Variants in F9 observed in about 807,000 individuals in gnomAD.
F9 encodes the protein Christmas factor.
Under a neutral mutation model 34.1 loss-of-function variants are expected in F9, and 2 were observed. The ratio of observed to expected loss-of-function variants is 0.06; its 90% CI spans 0.02 to 0.18. F9 has a LOEUF of 0.18. F9 is among the 10% of genes least tolerant of loss of function. The pLI, the probability that F9 is intolerant of heterozygous loss-of-function variation, is 1.00. For synonymous variants in F9, 137 were observed against 118.8 expected (o/e 1.15, Z -1.00); for missense variants, 216 against 345.1 (o/e 0.63, Z 2.96).
intron 1 of F9, among the ~76,000 whole-genome samples, chrX:139,533,662 G>A (rs181926683): frequency 5.4e-5 from 6 of 112,030 alleles, no homozygotes; most frequent in African/African-American, 1.9e-4. Context: ...ACAGTGCCTG[G>A]CAGTAGTGGT....
intron 4 of F9, chrX:139,544,759 G>A (rs748805248): frequency 8.9e-6 from 1 of 111,759 alleles, no homozygotes; most frequent in African/African-American, 3.2e-5. Flanking sequence ...CAAACTACTC[G>A]TTTCTAACAG....
chrX:139,549,211 GC>G (rs1927786186), intron 5 of F9, among the ~76,000 whole-genome samples: 1 of 111,099 alleles, frequency 9.0e-6, no homozygotes, highest in African/African-American at 3.3e-5. Context: ...TAAATGAGGG[GC>G]TTTTTTGAAG....
chrX:139,554,470 TATGA>T (rs1251869293), intron 6 of F9, among the ~76,000 whole-genome samples: 3 of 112,694 alleles, frequency 2.7e-5, no homozygotes. Flanking sequence ...TCCAGTTCCT[TATGA>T]ATGGTTACTG....
At position 139,537,084 on chromosome X, in the gene F9, T is replaced by A. The variant is rs759987427; in HGVS notation, c.163T>A (p.Phe55Ile). 6.6e-6 allele frequency: 8 copies of A among 1,208,545 alleles called. No individual in the cohort carries two copies. Among genetic ancestry groups the A allele is most frequent in the Non-Finnish European group, 8.9e-6 (8 of 894,128 alleles). Residue 55 changes from phenylalanine (F) to isoleucine (I), a missense_variant, in exon 2 of 8, where the codon TTT becomes ATT. This residue lies in a region of F9 where 177 missense variants were observed against 311.8 expected (regional missense o/e 0.57). Transcript: ENST00000218099. Reference sequence around the variant, plus strand: ...GTATAATTCAGGTAAATTGGAAGAGTTTGTTCAAGGGAACCTTGAGAGAGA... The same window carrying A: ...GTATAATTCAGGTAAATTGGAAGAGATTGTTCAAGGGAACCTTGAGAGAGA... ...KRYNSGKLEE[F>I]VQGNLERECM...
chrX:139,541,609 A>G (rs936483782), intron 4 of F9, among the ~76,000 whole-genome samples: 14 of 111,921 alleles, frequency 1.3e-4, no homozygotes, highest in African/African-American at 3.9e-4. Context: ...AACTGAACCC[A>G]GAAAATTGAA....
At chrX:139,558,526 C>T (rs904782727) in intron 6 of F9, among the ~76,000 whole-genome samples, 2 of 113,064 alleles carry the variant, frequency 1.8e-5, no homozygotes, top group Non-Finnish European at 3.7e-5. Flanking sequence ...TATTAAATGG[C>T]AAATTTTAAA....
Position 139,537,000 on chromosome X carries a change from T to C in F9, c.89-10T>C. 8.3e-7 allele frequency: 1 copy of C among 1,199,876 alleles called. No individual in the cohort carries two copies. Among genetic ancestry groups the C allele is most frequent in the Non-Finnish European group, 1.1e-6 (1 of 886,778 alleles). ...TGCTAAAACTAAAGAATTATTCTTT[T>C]ACATTTCAGTTTTTCTTGATCATGA... is the stretch of plus-strand genomic sequence containing the variant. On this transcript the variant is annotated splice_polypyrimidine_tract_variant and intron_variant, in intron 1 of 7. Coordinates refer to ENST00000218099, the MANE Select transcript of F9 (RefSeq NM_000133.4).
chrX:139,550,315 T>C (rs1205805612), intron 5 of F9, among the ~76,000 whole-genome samples: 3 of 112,167 alleles, frequency 2.7e-5, no homozygotes, highest in Non-Finnish European at 5.6e-5. Context: ...CTGGTTGCTA[T>C]AGAAATGTCT....
At chrX:139,555,263 G>C (rs1927940389) in intron 6 of F9, among the ~76,000 whole-genome samples, 2 of 112,554 alleles carry the variant, frequency 1.8e-5, no homozygotes, top group African/African-American at 3.2e-5. Context: ...CCTGGCCAGA[G>C]ATCAGAGCAG....
At chrX:139,553,560 T>C (rs1927892984) in intron 6 of F9, among the ~76,000 whole-genome samples, 1 of 110,894 alleles carries the variant, frequency 9.0e-6, no homozygotes, top group Admixed American at 9.6e-5. Context: ...GGAGAATATA[T>C]TAGCTAAGAA....
At chrX:139,546,926 T>C (rs1458069447) in intron 4 of F9, among the ~76,000 whole-genome samples, 1 of 111,944 alleles carries the variant, frequency 8.9e-6, no homozygotes, top group Non-Finnish European at 1.9e-5. Context: ...GCAGGCTTTT[T>C]TTGGTGGTGG....
intron 1 of F9, among the ~76,000 whole-genome samples, chrX:139,531,428 A>C (rs1280402902): frequency 8.9e-6 from 1 of 112,232 alleles, no homozygotes; most frequent in African/African-American, 3.2e-5. Context: ...GCTGTTAGTT[A>C]TCACCAAAGC....
Position 139,563,392 on chromosome X carries a change from T to C in F9, c.*1321T>C, listed in dbSNP as rs1393994338. 8.9e-6 allele frequency: 1 copy of C among 112,039 alleles called. No homozygotes were observed. Among genetic ancestry groups the C allele is most frequent in the Non-Finnish European group, 1.9e-5 (1 of 53,229 alleles). 9.2% of individuals were successfully genotyped at this position (112,039 alleles called of 1,213,427 possible). A position where few individuals can be genotyped will look rare whatever the true frequency, so the allele number is the denominator to read the frequency against. On this transcript the variant is annotated 3_prime_UTR_variant, in exon 8 of 8. Transcript: ENST00000218099. ...GTTAATCCTTCTATCTTGAATCTTC[T>C]AGAGAGTTGCTGACCAACTGACGTA...
intron 1 of F9, among the ~76,000 whole-genome samples, chrX:139,536,208 T>C (rs1002719276): frequency 1.1e-4 from 9 of 84,874 alleles, no homozygotes; most frequent in East Asian, 3.0e-4. Flanking sequence ...TATACATATA[T>C]ACACACACAT....
rs1442608661 is a variant in F9 at position 139,562,783 on chromosome X, A to G, written c.*712A>G. ...GTAGTGGAGACTTGCTTTTCAGAAC[A>G]TAGGGATGAAGTAAGGTGCCTGAAA... On this transcript the variant is annotated 3_prime_UTR_variant, in exon 8 of 8. Transcript: ENST00000218099. 2 of 107,949 alleles carry G rather than the reference A, an allele frequency of 1.9e-5. No homozygotes were observed. Among genetic ancestry groups the G allele is most frequent in the East Asian group, 2.9e-4 (1 of 3,459 alleles). 8.9% of individuals were successfully genotyped at this position (107,949 alleles called of 1,213,427 possible). A position where few individuals can be genotyped will look rare whatever the true frequency, so the allele number is the denominator to read the frequency against.
intron 7 of F9, 130 bp from the exon 8 acceptor site, chrX:139,561,394 C>A (rs1928098230): frequency 3.2e-6 from 2 of 617,202 alleles, no homozygotes; most frequent in Admixed American, 3.6e-5. Flanking sequence ...TACATTTAAC[C>A]AAAATTATCA....
intron 6 of F9, among the ~76,000 whole-genome samples, chrX:139,558,089 C>T (rs1362051382): frequency 1.8e-5 from 2 of 113,155 alleles, no homozygotes; most frequent in African/African-American, 3.2e-5. Context: ...ACCATTGCCA[C>T]TCCCCTCCCC....
chrX:139,535,349 ACT>A (rs775936861), intron 1 of F9, among the ~76,000 whole-genome samples: 1 of 108,456 alleles, frequency 9.2e-6, no homozygotes, highest in Non-Finnish European at 1.9e-5. Flanking sequence ...ACAGAGCAAG[ACT>A]CTGTCAAAAA....
chrX:139,560,918 C>G, intron 7 of F9, 63 bp downstream of exon 7: 2 of 854,826 alleles, frequency 2.3e-6, no homozygotes, highest in Admixed American at 4.4e-5. Context: ...ATTGGTACAC[C>G]ATATTTTACT....
Sources: allele counts gnomAD v4.1 joint callset (sites outside exome capture counted in the v4.1 genomes callset), GRCh38; gene constraint gnomAD v4.1.1; regional missense constraint gnomAD v4.1.1; transcripts MANE v1.5; gene names NCBI Gene and HGNC (gene_info 2026-07-23, HGNC 2026-07-21).